The following STON2 variants were observed in gnomAD, a reference collection of about 807,000 sequenced individuals.
STON2 encodes the protein stonin 2.
STON2 carries 29 observed loss-of-function variants against 65.7 expected under a neutral mutation model. That is an observed-to-expected ratio of 0.44 (90% confidence interval 0.33 to 0.60). The LOEUF is 0.60. Among genes scored for constraint, STON2 ranks in the 20% least tolerant of loss-of-function variants. STON2 has a pLI of 0.03. For synonymous variants in STON2, 404 were observed against 414.2 expected, an observed-to-expected ratio of 0.98 and a Z score of 0.30; for missense variants, 1,054 against 1,118.1, an observed-to-expected ratio of 0.94 and a Z score of 0.82.
At chr14:81,358,235 A>C (rs1898337215) in intron 4 of STON2, among the ~76,000 whole-genome samples, 1 of 152,072 alleles carries the variant, frequency 6.6e-6, no homozygotes, top group Non-Finnish European at 1.5e-5. Context: ...TACCCATTAC[A>C]AAATAATATA....
chr14:81,261,982 A>G lies in STON2; in HGVS notation c.*6432T>C, dbSNP rs1415569589. The G allele has an allele frequency of 1.5e-5, 21 of 1,409,916 alleles. No homozygotes were observed. Among genetic ancestry groups the G allele is most frequent in the Non-Finnish European group, 1.9e-5 (21 of 1,087,724 alleles). 87.3% of individuals were successfully genotyped at this position (1,409,916 alleles called of 1,614,324 possible). ...AAAAAAGAGAGAGATGTGAAAAGGA[A>G]AAAGATGGACCAGGTGATTTTTCCA... is the stretch of plus-strand genomic sequence containing the variant. On this transcript the variant is annotated 3_prime_UTR_variant, in exon 8 of 8. Transcript: ENST00000614646.
At chr14:81,362,878 T>TC (rs1898557558) in intron 4 of STON2, among the ~76,000 whole-genome samples, 1 of 152,206 alleles carries the variant, frequency 6.6e-6, no homozygotes, top group South Asian at 2.1e-4. Context: ...TAGAAGTGGC[T>TC]CCTGCTTACA....
Position 81,276,898 on chromosome 14 carries a change from C to A in STON2, c.2581+3G>T, listed in dbSNP as rs1262242027. The A allele has an allele frequency of 6.2e-7, 1 of 1,605,734 alleles. No homozygotes were observed. The highest frequency in any genetic ancestry group is 1.3e-5 in the African/African-American group (1 of 74,850). Reference sequence around the variant, plus strand: ...TTTTCACAGAAGAGGAACCACCACCCACCTGAGTTTTTGTCCGGCAGTCGG... The same window carrying A: ...TTTTCACAGAAGAGGAACCACCACCAACCTGAGTTTTTGTCCGGCAGTCGG... On this transcript the variant is annotated splice_donor_region_variant and intron_variant, in intron 6 of 7. Transcript: ENST00000614646.
chr14:81,326,722 G>C (rs1251927475), intron 4 of STON2, among the ~76,000 whole-genome samples: 1 of 152,198 alleles, frequency 6.6e-6, no homozygotes, highest in Non-Finnish European at 1.5e-5. Context: ...TAGAAAAACT[G>C]TCTAGGGATA....
chr14:81,409,009 A>C (rs867751677), intron 2 of STON2, among the ~76,000 whole-genome samples: 8 of 152,196 alleles, frequency 5.3e-5, no homozygotes, highest in African/African-American at 1.9e-4. Context: ...TATTTTGTCT[A>C]TGTGACAGTA....
chr14:81,303,867 G>A (rs1345173854), intron 5 of STON2, among the ~76,000 whole-genome samples: 1 of 152,182 alleles, frequency 6.6e-6, no homozygotes, highest in Non-Finnish European at 1.5e-5. Context: ...ACAGAAAAGT[G>A]CACATATCGT....
Position 81,398,316 on chromosome 14 carries a change from G to A in STON2, c.67C>T (p.Pro23Ser), listed in dbSNP as rs1900429088. 6.2e-7 allele frequency: 1 copy of A among 1,613,882 alleles called. No individual in the cohort carries two copies. Among genetic ancestry groups the A allele is most frequent in the Non-Finnish European group, 8.5e-7 (1 of 1,179,830 alleles). ...TTACCCTGCGAGTGGGCAGGAAAGG[G>A]TGGCTCTTCATTGAAGGAGACCCAT... ...SEWVSFNEEP[P>S]FPAHSQGGTE... is the part of the protein sequence containing the mutation. Residue 23 changes from proline to serine, a missense_variant, in exon 2 of 8, where the codon CCC (proline) becomes TCC (serine). Transcript: ENST00000614646.
chr14:81,410,099 T>A (rs576032999), intron 2 of STON2, among the ~76,000 whole-genome samples: 8 of 152,188 alleles, frequency 5.3e-5, no homozygotes, highest in African/African-American at 1.9e-4. Context: ...CAGCTGGAGC[T>A]ACAATAATCA....
At chr14:81,354,577 G>A (rs756606556) in intron 4 of STON2, among the ~76,000 whole-genome samples, 52 of 152,086 alleles carry the variant, frequency 3.4e-4, no homozygotes, top group African/African-American at 6.7e-4. Context: ...TAATTCTCTC[G>A]AAAAAGTTCA....
At chr14:81,270,937 G>A in intron 6 of STON2, 65 bp from the exon 7 acceptor site, 2 of 1,562,120 alleles carry the variant, frequency 1.3e-6, no homozygotes, top group Non-Finnish European at 8.6e-7. Context: ...GCAGCCAAAG[G>A]AGCCACTTTG....
At chr14:81,409,959 T>C (rs575120491) in intron 2 of STON2, among the ~76,000 whole-genome samples, 2 of 152,344 alleles carry the variant, frequency 1.3e-5, no homozygotes, top group Non-Finnish European at 2.9e-5. Flanking sequence ...AATATAGTTC[T>C]AAAATATAGT....
intron 7 of STON2, chr14:81,270,248 G>A: frequency 2.1e-6 from 1 of 471,630 alleles, no homozygotes; most frequent in Non-Finnish European, 2.8e-6. Context: ...ACCATGCCCG[G>A]CTAATTTTGT....
chr14:81,405,411 CTT>C (rs1393452952), intron 2 of STON2, among the ~76,000 whole-genome samples: 2 of 144,160 alleles, frequency 1.4e-5, no homozygotes, highest in Non-Finnish European at 3.0e-5. Context: ...GCTTTAAAGA[CTT>C]TGCCTGCTAA....
At chr14:81,371,224 T>G in intron 3 of STON2, 39 bp from the exon 4 acceptor site, 2 of 1,570,420 alleles carry the variant, frequency 1.3e-6, no homozygotes, top group Non-Finnish European at 8.7e-7. Context: ...ACAATATAAA[T>G]AGTTGTACTT....
chr14:81,329,423 C>T (rs936003342), intron 4 of STON2, among the ~76,000 whole-genome samples: 8 of 147,426 alleles, frequency 5.4e-5, no homozygotes, highest in African/African-American at 2.0e-4. Flanking sequence ...CCACTGCATT[C>T]CAGCCTGGGC....
upstream of STON2, among the ~76,000 whole-genome samples, chr14:81,405,074 G>T (rs1336610321): frequency 2.0e-5 from 3 of 152,072 alleles, no homozygotes; most frequent in Non-Finnish European, 1.5e-5. Flanking sequence ...AGTTTTCTTA[G>T]AACTCATTTT....
At chr14:81,309,336 TTAGTC>T (rs1268795341) in intron 5 of STON2, among the ~76,000 whole-genome samples, 1 of 152,152 alleles carries the variant, frequency 6.6e-6, no homozygotes, top group Non-Finnish European at 1.5e-5. Flanking sequence ...AGAAAAAAAT[TTAGTC>T]TAGTCTGTAT....
At position 81,264,072 on chromosome 14, in the gene STON2, C is replaced by T; in HGVS notation, c.*4342G>A. 4.1e-6 allele frequency: 4 copies of T among 985,424 alleles called. No individual in the cohort carries two copies. The South Asian group carries it at 1.4e-4, about 35-fold the overall frequency. 61.0% of individuals were successfully genotyped at this position (985,424 alleles called of 1,614,324 possible). A position where few individuals can be genotyped will look rare whatever the true frequency, so the allele number is the denominator to read the frequency against. On this transcript the variant is annotated 3_prime_UTR_variant, in exon 8 of 8. Transcript: ENST00000614646. ...ATCAAATGCTTTCTTTTCCTACTGA[C>T]CATTGAAATGGGCAAGGCTCAGGCT...
At chr14:81,391,873 A>G (rs529062260) in intron 3 of STON2, among the ~76,000 whole-genome samples, 1 of 152,324 alleles carries the variant, frequency 6.6e-6, no homozygotes, top group East Asian at 1.9e-4. Flanking sequence ...GGTTGAGTTA[A>G]ATTTTCACAC....
Sources: allele counts gnomAD v4.1 joint callset (sites outside exome capture counted in the v4.1 genomes callset), GRCh38; gene constraint gnomAD v4.1.1; transcripts MANE v1.5; gene names NCBI Gene and HGNC (gene_info 2026-07-23, HGNC 2026-07-21).